The following GULP1 variants were observed in gnomAD, a reference collection of about 807,000 sequenced individuals.
The protein encoded by GULP1 is PTB domain-containing engulfment adapter protein 1.
GULP1 carries 19 observed loss-of-function variants against 40.9 expected under a neutral mutation model. The observed-to-expected ratio is 0.46, with a 90% CI of 0.32 to 0.68. The LOEUF (loss-of-function observed/expected upper bound fraction) is 0.68, where lower values mean the gene tolerates loss of function less well. Ranked by LOEUF, GULP1 falls within the 30% of genes least tolerant of loss-of-function variation. GULP1 has a pLI of 0.03. For missense variants in GULP1, 312 were observed against 362.2 expected, an observed-to-expected ratio of 0.86 and a Z score of 1.12; for synonymous variants, 119 against 117.6, an observed-to-expected ratio of 1.01 and a Z score of -0.08.
chr2:188,323,062 G>C (rs2040228991), intron 1 of GULP1, among the ~76,000 whole-genome samples: 1 of 151,890 alleles, frequency 6.6e-6, no homozygotes, highest in South Asian at 2.1e-4. Context: ...TGCGTTTGCT[G>C]TCCTTTCTTC....
chr2:188,577,056 G>C (rs1488533651), intron 9 of GULP1, among the ~76,000 whole-genome samples: 2 of 152,020 alleles, frequency 1.3e-5, no homozygotes, highest in African/African-American at 2.4e-5. Flanking sequence ...TCTTGTATCT[G>C]GGTACTTTCA....
intron 1 of GULP1, among the ~76,000 whole-genome samples, chr2:188,363,089 ACTTAAT>A (rs1361988279): frequency 2.0e-5 from 3 of 152,054 alleles, no homozygotes; most frequent in Non-Finnish European, 4.4e-5. Context: ...AAAAATGACT[ACTTAAT>A]CTTTATTATC....
intron 2 of GULP1, among the ~76,000 whole-genome samples, chr2:188,477,327 A>G (rs554677761): frequency 1.3e-5 from 2 of 152,166 alleles, no homozygotes; most frequent in African/African-American, 4.8e-5. Context: ...GTTTATATAC[A>G]CACCTCTTGT....
intron 2 of GULP1, among the ~76,000 whole-genome samples, chr2:188,386,264 A>G (rs992893647): frequency 6.6e-6 from 1 of 152,078 alleles, no homozygotes; most frequent in Non-Finnish European, 1.5e-5. Flanking sequence ...TTTTAAAACC[A>G]TCAGATCTTG....
intron 1 of GULP1, among the ~76,000 whole-genome samples, chr2:188,343,804 A>AT (rs1383375873): frequency 1.3e-5 from 2 of 151,936 alleles, no homozygotes; most frequent in Non-Finnish European, 2.9e-5. Flanking sequence ...TTTTATTTTT[A>AT]TTTTTTATTT....
intron 7 of GULP1, among the ~76,000 whole-genome samples, chr2:188,556,773 C>T (rs1426934876): frequency 2.0e-5 from 3 of 152,138 alleles, no homozygotes; most frequent in African/African-American, 4.8e-5. Flanking sequence ...CGGTGGCTCA[C>T]GCCTGTAATC....
intron 2 of GULP1, chr2:188,466,444 A>ATTTTTTTTTTTTTTTTTT (rs60944877): frequency 8.5e-6 from 1 of 118,200 alleles, no homozygotes; most frequent in Non-Finnish European, 1.8e-5. Flanking sequence ...TGCCCAGCTA[A>ATTTTTTTTTTTTTTTTTT]TTTTTTTTTT....
At chr2:188,357,765 A>G (rs1453812647) in intron 1 of GULP1, among the ~76,000 whole-genome samples, 3 of 152,212 alleles carry the variant, frequency 2.0e-5, no homozygotes, top group African/African-American at 7.2e-5. Context: ...TTGTAGTGCT[A>G]ATCAAGATAT....
rs12328984 is a variant in GULP1 at position 188,347,929 on chromosome 2, T to C, written c.-171-35834T>C. Among the ~76,000 whole-genome samples, 508 of 152,352 alleles carry C rather than the reference T, an allele frequency of 3.3e-3. 5 individuals are homozygous for C. The highest frequency in any genetic ancestry group is 0.012 in the African/African-American group (488 of 41,582). On this transcript the variant is annotated intron_variant, in intron 1 of 11. Coordinates refer to ENST00000409830, the MANE Select transcript of GULP1 (RefSeq NM_016315.4). ...CACCATGCCTGGCCTCAAAGCATTT[T>C]TGTTTGTTTTAATTGAAGAATTAAC...
At chr2:188,329,387 A>G (rs1332625006) in intron 1 of GULP1, among the ~76,000 whole-genome samples, 2 of 152,088 alleles carry the variant, frequency 1.3e-5, no homozygotes, top group Non-Finnish European at 2.9e-5. Flanking sequence ...TAGTCTAGGA[A>G]TAGGTTTGAC....
At chr2:188,438,093 A>C (rs746098052) in intron 2 of GULP1, among the ~76,000 whole-genome samples, 53 of 152,282 alleles carry the variant, frequency 3.5e-4, no homozygotes, top group South Asian at 1.0e-3. Context: ...AAACATTAAA[A>C]AATAAATACA....
intron 3 of GULP1, among the ~76,000 whole-genome samples, chr2:188,478,815 T>C (rs1328356463): frequency 6.6e-6 from 1 of 152,102 alleles, no homozygotes; most frequent in Non-Finnish European, 1.5e-5. Flanking sequence ...TAATGAATAG[T>C]CCAGAACTAT....
chr2:188,539,083 G>A (rs1409942114), intron 6 of GULP1, among the ~76,000 whole-genome samples: 1 of 151,744 alleles, frequency 6.6e-6, no homozygotes, highest in Non-Finnish European at 1.5e-5. Flanking sequence ...GTCTTTCTGT[G>A]TCCTTTCCCT....
intron 5 of GULP1, among the ~76,000 whole-genome samples, chr2:188,524,215 CA>C (rs936610332): frequency 2.6e-5 from 4 of 151,080 alleles, no homozygotes; most frequent in Admixed American, 1.3e-4. Context: ...AATCAAAAAC[CA>C]AAAAAAATTC....
At chr2:188,404,349 T>C (rs2052746055) in intron 2 of GULP1, among the ~76,000 whole-genome samples, 1 of 152,114 alleles carries the variant, frequency 6.6e-6, no homozygotes, top group Non-Finnish European at 1.5e-5. Flanking sequence ...ATAAGATGCA[T>C]AGAAGACAGT....
intron 2 of GULP1, among the ~76,000 whole-genome samples, chr2:188,471,948 A>G (rs2060624600): frequency 6.6e-6 from 1 of 152,318 alleles, no homozygotes; most frequent in East Asian, 1.9e-4. Context: ...ATTCTAGGAC[A>G]GGTCTCGTGT....
chr2:188,422,232 C>T (rs2055536119), intron 2 of GULP1, among the ~76,000 whole-genome samples: 1 of 151,300 alleles, frequency 6.6e-6, no homozygotes, highest in African/African-American at 2.4e-5. Context: ...GCCTGAGATT[C>T]ATAATTTTTT....
intron 2 of GULP1, among the ~76,000 whole-genome samples, chr2:188,447,734 C>T (rs1418565186): frequency 6.6e-6 from 1 of 152,042 alleles, no homozygotes; most frequent in African/African-American, 2.4e-5. Flanking sequence ...ATGCTAGGTG[C>T]CAAATAGATA....
chr2:188,319,354 G>A lies in GULP1; in HGVS notation c.-172+27188G>A, dbSNP rs1261955271. On this transcript the variant is annotated intron_variant, in intron 1 of 11. Transcript: ENST00000409830. ...CCTCAGAGGTAAAAACAATAGTTTA[G>A]TATGCATTATTCCAGTACAAAATTT... 2.6e-5 allele frequency among the ~76,000 whole-genome samples: 4 copies of A among 152,120 alleles called. No homozygotes were observed. In the East Asian group the frequency reaches 7.7e-4, roughly 29 times the overall value.
Sources: allele counts gnomAD v4.1 joint callset (sites outside exome capture counted in the v4.1 genomes callset), GRCh38; gene constraint gnomAD v4.1.1; transcripts MANE v1.5; gene names NCBI Gene and HGNC (gene_info 2026-07-23, HGNC 2026-07-21).